Variants in PHF24 observed in about 807,000 individuals in gnomAD.
PHF24 encodes PHD finger protein 24, also known as Galpha inhibitory interacting protein.
PHF24 carries 25 observed loss-of-function variants against 42.6 expected under a neutral mutation model. That is an observed-to-expected ratio of 0.59 (90% confidence interval 0.43 to 0.82). The LOEUF (loss-of-function observed/expected upper bound fraction) is 0.82. Ranked by LOEUF, PHF24 falls within the 40% of genes least tolerant of loss-of-function variation. The pLI is 0.00. For synonymous variants in PHF24, 185 were observed against 204.8 expected (o/e 0.90, Z 0.83); for missense variants, 470 against 538.1 (o/e 0.87, Z 1.25).
chr9:34,791,049 G>A, the PHF24 span, among the ~76,000 whole-genome samples: 1 of 152,208 alleles, frequency 6.6e-6, no homozygotes, highest in Non-Finnish European at 1.5e-5. Flanking sequence ...TTCTAAGTAC[G>A]ATGTAAAACC....
At chr9:34,669,239 A>G in the PHF24 span, among the ~76,000 whole-genome samples, 1 of 151,896 alleles carries the variant, frequency 6.6e-6, no homozygotes, top group African/African-American at 2.4e-5. Context: ...GGCAAAATAA[A>G]CTTTCTAAAT....
At chr9:34,754,120 A>G in the PHF24 span, among the ~76,000 whole-genome samples, 1 of 152,136 alleles carries the variant, frequency 6.6e-6, no homozygotes, top group Admixed American at 6.5e-5. Context: ...GTAATACTCT[A>G]CAAGTACAGT....
the PHF24 span, among the ~76,000 whole-genome samples, chr9:34,798,689 T>C: frequency 6.6e-6 from 1 of 152,166 alleles, no homozygotes; most frequent in Admixed American, 6.5e-5. Context: ...AGTGCAGGTG[T>C]CTTTTTGGTA....
At chr9:34,736,188 G>A in the PHF24 span, among the ~76,000 whole-genome samples, 1 of 152,072 alleles carries the variant, frequency 6.6e-6, no homozygotes, top group Non-Finnish European at 1.5e-5. Flanking sequence ...GAGCATCCAA[G>A]AGCTGTGGCA....
chr9:34,966,942 A>G (rs753485427), intron 1 of PHF24, among the ~76,000 whole-genome samples: 8 of 152,046 alleles, frequency 5.3e-5, no homozygotes, highest in African/African-American at 1.7e-4. Context: ...AGGTATTGCT[A>G]TGTTGGCCAG....
At chr9:34,849,124 G>A in the PHF24 span, among the ~76,000 whole-genome samples, 1 of 152,232 alleles carries the variant, frequency 6.6e-6, no homozygotes, top group Admixed American at 6.5e-5. Flanking sequence ...GGTCCGCTTG[G>A]TGCAGAGCTG....
chr9:34,709,698 A>G, the PHF24 span: 5,114 of 1,613,652 alleles, frequency 3.2e-3, 297 homozygotes, highest in Admixed American at 0.08. Context: ...GGTGGGGGCT[A>G]GTAAGCCTTC....
chr9:34,750,078 A>G, the PHF24 span, among the ~76,000 whole-genome samples: 2 of 152,186 alleles, frequency 1.3e-5, no homozygotes, highest in African/African-American at 2.4e-5. Context: ...CCTACAAGAA[A>G]TGCTTCAGTC....
chr9:34,691,299 AT>A, the PHF24 span: 1 of 530,362 alleles, frequency 1.9e-6, no homozygotes, highest in East Asian at 3.2e-5. Context: ...GCTGACTCCT[AT>A]TTATGGCCAG....
the PHF24 span, among the ~76,000 whole-genome samples, chr9:34,943,152 G>A: frequency 6.6e-6 from 1 of 152,168 alleles, no homozygotes; most frequent in African/African-American, 2.4e-5. Flanking sequence ...GCAGCCTTCA[G>A]TCATTCCCCA....
At chr9:34,833,277 A>C in the PHF24 span, 1 of 1,551,044 alleles carries the variant, frequency 6.4e-7, no homozygotes, top group Non-Finnish European at 8.7e-7. Flanking sequence ...ACCTGAACAC[A>C]AGGCATGTGG....
chr9:34,917,501 G>T, the PHF24 span: 1 of 772,584 alleles, frequency 1.3e-6, no homozygotes, highest in East Asian at 2.4e-5. Context: ...TCGAAAGCCT[G>T]CAGAGACCAA....
the PHF24 span, among the ~76,000 whole-genome samples, chr9:34,732,653 G>T: frequency 6.6e-6 from 1 of 151,952 alleles, no homozygotes; most frequent in African/African-American, 2.4e-5. Context: ...TGCTGCTTTG[G>T]CTGTCTGTGC....
the PHF24 span, among the ~76,000 whole-genome samples, chr9:34,860,453 C>A: frequency 6.6e-6 from 1 of 151,950 alleles, no homozygotes; most frequent in Non-Finnish European, 1.5e-5. Flanking sequence ...ACTTTTGTAC[C>A]AACCTGATAA....
the PHF24 span, among the ~76,000 whole-genome samples, chr9:34,819,735 T>C: frequency 6.6e-6 from 1 of 152,210 alleles, no homozygotes; most frequent in African/African-American, 2.4e-5. Context: ...TATATGATGC[T>C]AACTGTTCTG....
exon 8 of PHF24, chr9:34,978,116 G>A (rs1243141316): frequency 1.9e-6 from 3 of 1,609,606 alleles, no homozygotes; most frequent in Non-Finnish European, 2.6e-6. Context: ...GGATAGCATG[G>A]AGCAGAGAAG....
the PHF24 span, among the ~76,000 whole-genome samples, chr9:34,731,079 T>A: frequency 6.6e-6 from 1 of 152,232 alleles, no homozygotes; most frequent in Non-Finnish European, 1.5e-5. Flanking sequence ...CTGTCTCTCA[T>A]CCCTGTCTCC....
At chr9:34,666,552 A>AT in the PHF24 span, among the ~76,000 whole-genome samples, 19,117 of 132,396 alleles carry the variant, frequency 0.14, 1,579 homozygotes, top group Admixed American at 0.19. Context: ...TCTTCTTGTG[A>AT]TTTTTTTTTT....
the PHF24 span, among the ~76,000 whole-genome samples, chr9:34,763,905 G>A: frequency 1.3e-5 from 2 of 152,176 alleles, no homozygotes; most frequent in Admixed American, 6.6e-5. Context: ...TTTTTAGCAC[G>A]AAGGGTTGTT....
Sources: gnomAD v4.1 joint callset for allele counts (sites outside exome capture counted in the v4.1 genomes callset) on GRCh38, gnomAD v4.1.1 for gene constraint, MANE v1.5 for transcripts, NCBI Gene and HGNC (gene_info 2026-07-23, HGNC 2026-07-21) for gene names.